GLDN: variants seen among roughly 807,000 people sequenced by gnomAD.
GLDN encodes the protein gliomedin.
Under a neutral mutation model 56.5 loss-of-function variants are expected in GLDN, and 47 were observed. The ratio of observed to expected loss-of-function variants is 0.83; its 90% CI spans 0.66 to 1.06. GLDN has a LOEUF of 1.06. GLDN is among the 50% of genes least tolerant of loss of function. GLDN has a pLI of 0.00. For synonymous variants in GLDN, 332 were observed against 278.8 expected (o/e 1.19, Z -1.90); for missense variants, 782 against 714.3 (o/e 1.09, Z -1.08).
At position 51,397,615 on chromosome 15, in the gene GLDN, T is replaced by C; in HGVS notation, c.817+17T>C. 1.3e-6 allele frequency: 2 copies of C among 1,555,668 alleles called. No homozygotes were observed. Among genetic ancestry groups the C allele is most frequent in the Non-Finnish European group, 8.7e-7 (1 of 1,148,726 alleles). ...AGTGCCCAGGTCACCACCTCTCCCC[T>C]ACGGGGCCCACCTCTTCTGTCAATT... On this transcript the variant is annotated intron_variant, in intron 6 of 9. Transcript: ENST00000335449.
At chr15:51,351,456 G>C (rs1251423333) in intron 1 of GLDN, among the ~76,000 whole-genome samples, 1 of 152,184 alleles carries the variant, frequency 6.6e-6, no homozygotes, top group Non-Finnish European at 1.5e-5. Flanking sequence ...GGAGACAGCA[G>C]TACCCTGTGA....
chr15:51,384,788 G>A (rs964196801), intron 4 of GLDN: 2 of 152,282 alleles, frequency 1.3e-5, no homozygotes, highest in Non-Finnish European at 2.9e-5. Flanking sequence ...TGAGGGCAGA[G>A]GGAGGTTGTT....
At chr15:51,369,345 T>C (rs764530) in intron 1 of GLDN, among the ~76,000 whole-genome samples, 3 of 152,280 alleles carry the variant, frequency 2.0e-5, no homozygotes, top group East Asian at 1.9e-4. Context: ...CTAAGAGATA[T>C]GGAATTTAAG....
At chr15:51,365,740 T>C (rs941384922) in intron 1 of GLDN, among the ~76,000 whole-genome samples, 1 of 152,214 alleles carries the variant, frequency 6.6e-6, no homozygotes, top group African/African-American at 2.4e-5. Flanking sequence ...TTGGACGTTT[T>C]TCATTTTCAT....
At chr15:51,380,455 A>G (rs141216639) in intron 2 of GLDN, among the ~76,000 whole-genome samples, 7 of 152,342 alleles carry the variant, frequency 4.6e-5, no homozygotes, top group Non-Finnish European at 1.0e-4. Context: ...GTTGGCACAC[A>G]TCATGGCATT....
At chr15:51,347,258 G>A (rs2036994731) in intron 1 of GLDN, among the ~76,000 whole-genome samples, 1 of 152,214 alleles carries the variant, frequency 6.6e-6, no homozygotes, top group East Asian at 1.9e-4. Flanking sequence ...ATAAGCACAT[G>A]GGAAAAGATC....
chr15:51,379,154 G>A (rs1171020668), intron 2 of GLDN, among the ~76,000 whole-genome samples: 1 of 152,214 alleles, frequency 6.6e-6, no homozygotes, highest in African/African-American at 2.4e-5. Flanking sequence ...ATCTCAGTTG[G>A]ATCGTGAGGG....
At chr15:51,377,989 G>A (rs1400146974) in intron 2 of GLDN, among the ~76,000 whole-genome samples, 2 of 152,144 alleles carry the variant, frequency 1.3e-5, no homozygotes, top group African/African-American at 2.4e-5. Flanking sequence ...TCAGTTGATG[G>A]TCCCAGTCTC....
rs754174952 is a variant in GLDN, at chr15:51,407,940, G to A, written c.*3186G>A. On this transcript the variant is annotated 3_prime_UTR_variant, in exon 10 of 10. Coordinates refer to ENST00000335449, the MANE Select transcript of GLDN (RefSeq NM_181789.4). ...AGATCCTGAACAACAAATGAATAAC[G>A]ATGAATGTCTTTTTGGTTGTAATTT... The A allele has an allele frequency of 1.3e-5, 2 of 152,264 alleles. No individual in the cohort carries two copies. The highest frequency in any genetic ancestry group is 2.4e-5 in the African/African-American group (1 of 41,558). 9.4% of individuals were successfully genotyped at this position (152,264 alleles called of 1,614,324 possible). A position where few individuals can be genotyped will look rare whatever the true frequency, so the allele number is the denominator to read the frequency against.
intron 1 of GLDN, among the ~76,000 whole-genome samples, chr15:51,375,732 T>C (rs1347552684): frequency 6.6e-6 from 1 of 152,182 alleles, no homozygotes; most frequent in Non-Finnish European, 1.5e-5. Context: ...CCAGGGGCAG[T>C]TTCCACGTGC....
Position 51,341,663 on chromosome 15 carries a change from C to A in GLDN, c.-22C>A. ...CAGGGCCGCAGGCTGCCAAGCCCTG[C>A]CCTGCCCAAGGCGCATAGAGCATGG... On this transcript the variant is annotated 5_prime_UTR_variant, in exon 1 of 10. Transcript: ENST00000335449. The A allele has an allele frequency of 1.5e-6, 2 of 1,377,496 alleles. No individual in the cohort carries two copies. Among genetic ancestry groups the A allele is most frequent in the East Asian group, 3.0e-5 (1 of 33,506 alleles). 85.3% of individuals were successfully genotyped at this position (1,377,496 alleles called of 1,614,324 possible).
At chr15:51,392,903 T>G (rs1036523653) in intron 4 of GLDN, among the ~76,000 whole-genome samples, 2 of 152,240 alleles carry the variant, frequency 1.3e-5, no homozygotes, top group African/African-American at 2.4e-5. Flanking sequence ...CCAATCTGTA[T>G]GCCTTTTAGT....
intron 1 of GLDN, among the ~76,000 whole-genome samples, chr15:51,347,109 A>G (rs918308585): frequency 8.5e-5 from 13 of 152,174 alleles, no homozygotes; most frequent in Admixed American, 3.3e-4. Flanking sequence ...CTCATATCAT[A>G]TCATAGATAC....
chr15:51,372,552 G>A (rs528052331), intron 1 of GLDN, among the ~76,000 whole-genome samples: 10 of 152,160 alleles, frequency 6.6e-5, no homozygotes, highest in Admixed American at 2.0e-4. Context: ...ACAGCCCATC[G>A]TTCCCACTAA....
Position 51,348,367 on chromosome 15 carries a change from G to C in GLDN, c.363+6320G>C, listed in dbSNP as rs894136252. Among the ~76,000 whole-genome samples the C allele has an allele frequency of 4.6e-5, 7 of 151,500 alleles. No individual in the cohort carries two copies. The East Asian group carries it at 1.4e-3, about 29-fold the overall frequency. ...TTTATTTTAGAGACAAGGTCTTACAGTGTCGCCCAAGCTGGAGTGCAGTGG... is the reference window on the plus strand; with the variant it reads ...TTTATTTTAGAGACAAGGTCTTACACTGTCGCCCAAGCTGGAGTGCAGTGG... On this transcript the variant is annotated intron_variant, in intron 1 of 9. Transcript: ENST00000335449.
intron 2 of GLDN, among the ~76,000 whole-genome samples, chr15:51,378,112 C>T (rs1162899212): frequency 6.6e-6 from 1 of 152,164 alleles, no homozygotes; most frequent in Admixed American, 6.5e-5. Context: ...CTCTCATTAC[C>T]TGCCTTGCAT....
At chr15:51,345,565 A>G (rs2036962403) in intron 1 of GLDN, among the ~76,000 whole-genome samples, 1 of 152,238 alleles carries the variant, frequency 6.6e-6, no homozygotes, top group Non-Finnish European at 1.5e-5. Context: ...GATTTTTAAA[A>G]CATGCAATAA....
chr15:51,385,507 A>T (rs2037872057), intron 4 of GLDN: 1 of 152,280 alleles, frequency 6.6e-6, no homozygotes, highest in South Asian at 2.1e-4. Flanking sequence ...CACGAGGCTT[A>T]CATCCTAGCT....
At chr15:51,383,288 T>C in intron 2 of GLDN, 148 bp from the exon 3 acceptor site, 1 of 853,302 alleles carries the variant, frequency 1.2e-6, no homozygotes, top group Non-Finnish European at 1.9e-6. Context: ...TTAAAGGGTC[T>C]TTTGGCCAAA....
Sources: allele counts gnomAD v4.1 joint callset (sites outside exome capture counted in the v4.1 genomes callset), GRCh38; gene constraint gnomAD v4.1.1; transcripts MANE v1.5; gene names NCBI Gene and HGNC (gene_info 2026-07-23, HGNC 2026-07-21).